The following NELL1 variants were observed in gnomAD, a reference collection of about 807,000 sequenced individuals.
NELL1 encodes the protein neural EGFL like 1.
Under a neutral mutation model 107.4 loss-of-function variants are expected in NELL1, and 76 were observed. The ratio of observed to expected loss-of-function variants is 0.71; its 90% CI spans 0.59 to 0.86. The LOEUF (loss-of-function observed/expected upper bound fraction) is 0.86. NELL1 is among the 40% of genes least tolerant of loss of function. The probability of loss-of-function intolerance (pLI) is 0.00; values close to 1 mark genes in which losing one functional copy is unlikely to be tolerated. For synonymous variants in NELL1, 353 were observed against 341.2 expected (o/e 1.03, Z -0.38); for missense variants, 1,024 against 1,005.5 (o/e 1.02, Z -0.25).
intron 14 of NELL1, among the ~76,000 whole-genome samples, chr11:21,255,745 A>G (rs1219033074): frequency 6.6e-6 from 1 of 152,028 alleles, no homozygotes; most frequent in Non-Finnish European, 1.5e-5. Context: ...AGTTTCAGAC[A>G]TACCCAATTC....
At chr11:20,912,285 C>T (rs1253779526) in intron 5 of NELL1, among the ~76,000 whole-genome samples, 1 of 152,108 alleles carries the variant, frequency 6.6e-6, no homozygotes, top group Non-Finnish European at 1.5e-5. Context: ...TAGGTAATTC[C>T]TGTCTGAGAC....
intron 5 of NELL1, among the ~76,000 whole-genome samples, chr11:20,908,613 A>G (rs1594255): frequency 8.9e-4 from 136 of 152,244 alleles, no homozygotes; most frequent in African/African-American, 3.1e-3. Flanking sequence ...TCAAGCCCCC[A>G]TGGCACACGT....
At chr11:20,982,690 A>G (rs1459772826) in intron 12 of NELL1, among the ~76,000 whole-genome samples, 1 of 151,956 alleles carries the variant, frequency 6.6e-6, no homozygotes, top group Non-Finnish European at 1.5e-5. Flanking sequence ...TAAATGTAGA[A>G]CCGTAAGCAA....
chr11:21,379,348 C>T (rs1000396814), intron 15 of NELL1, among the ~76,000 whole-genome samples: 3 of 152,020 alleles, frequency 2.0e-5, no homozygotes, highest in African/African-American at 7.2e-5. Context: ...CTTTCTCCTC[C>T]ACATTTGTTC....
chr11:21,250,869 G>A, intron 14 of NELL1, among the ~76,000 whole-genome samples: 1 of 152,178 alleles, frequency 6.6e-6, no homozygotes, highest in East Asian at 1.9e-4. Flanking sequence ...GAGGGGATCA[G>A]TAGCTCAGCA....
intron 12 of NELL1, among the ~76,000 whole-genome samples, chr11:21,036,980 C>A (rs1265969806): frequency 1.3e-5 from 2 of 151,670 alleles, no homozygotes; most frequent in Non-Finnish European, 2.9e-5. Flanking sequence ...CTCATAGTGT[C>A]TTTTTTTCTT....
intron 15 of NELL1, among the ~76,000 whole-genome samples, chr11:21,454,795 C>T (rs1853683091): frequency 6.6e-6 from 1 of 152,180 alleles, no homozygotes; most frequent in Non-Finnish European, 1.5e-5. Flanking sequence ...GTCATTGTTC[C>T]TCTTCTTAAA....
intron 4 of NELL1, among the ~76,000 whole-genome samples, chr11:20,864,162 C>A (rs184837117): frequency 0.012 from 1,777 of 151,836 alleles, 17 homozygotes; most frequent in Middle Eastern, 0.027. Context: ...TTTCGAGAGT[C>A]ATTTTTTAAC....
intron 3 of NELL1, among the ~76,000 whole-genome samples, chr11:20,809,826 G>A (rs1414620004): frequency 6.6e-6 from 1 of 152,084 alleles, no homozygotes; most frequent in African/African-American, 2.4e-5. Flanking sequence ...TGCTATATGG[G>A]AGTGCAGATA....
intron 13 of NELL1, among the ~76,000 whole-genome samples, chr11:21,163,876 G>A (rs1296786675): frequency 1.3e-5 from 2 of 151,756 alleles, no homozygotes; most frequent in Non-Finnish European, 2.9e-5. Flanking sequence ...CACATTGGGG[G>A]TTAAGGCTTC....
intron 2 of NELL1, among the ~76,000 whole-genome samples, chr11:20,745,243 C>T (rs992854143): frequency 1.3e-5 from 2 of 152,150 alleles, no homozygotes; most frequent in Non-Finnish European, 2.9e-5. Flanking sequence ...GTCCAGCCAT[C>T]TAATTTTTAT....
At chr11:21,146,564 C>T (rs1430178936) in intron 13 of NELL1, among the ~76,000 whole-genome samples, 1 of 152,196 alleles carries the variant, frequency 6.6e-6, no homozygotes, top group Non-Finnish European at 1.5e-5. Context: ...CTTCTCTCTC[C>T]TCCTGCCCTT....
chr11:20,991,934 A>G (rs1349650146), intron 12 of NELL1, among the ~76,000 whole-genome samples: 1 of 150,664 alleles, frequency 6.6e-6, no homozygotes, highest in Non-Finnish European at 1.5e-5. Flanking sequence ...GGTATTGTAC[A>G]GAAAGGGCAT....
intron 12 of NELL1, among the ~76,000 whole-genome samples, chr11:21,023,905 A>G (rs1005263855): frequency 6.6e-6 from 1 of 152,072 alleles, no homozygotes; most frequent in Non-Finnish European, 1.5e-5. Context: ...TTTTACATAT[A>G]TTAATAATCA....
intron 14 of NELL1, among the ~76,000 whole-genome samples, chr11:21,357,693 T>C (rs886231851): frequency 6.6e-6 from 1 of 152,228 alleles, no homozygotes; most frequent in African/African-American, 2.4e-5. Flanking sequence ...CATTTGCTTT[T>C]GCGCTCTTGG....
At chr11:20,808,011 G>T (rs531476804) in intron 3 of NELL1, among the ~76,000 whole-genome samples, 1 of 152,268 alleles carries the variant, frequency 6.6e-6, no homozygotes, top group Non-Finnish European at 1.5e-5. Flanking sequence ...CTGGAATTGG[G>T]GACCCCAATA....
chr11:21,388,281 C>G (rs568277371), intron 15 of NELL1, among the ~76,000 whole-genome samples: 3 of 151,700 alleles, frequency 2.0e-5, no homozygotes, highest in Non-Finnish European at 4.4e-5. Flanking sequence ...GCATTTTTTG[C>G]CACTCACCAT....
At chr11:21,082,418 A>G (rs1020118960) in intron 12 of NELL1, among the ~76,000 whole-genome samples, 3 of 152,228 alleles carry the variant, frequency 2.0e-5, no homozygotes, top group Non-Finnish European at 2.9e-5. Flanking sequence ...TCAGTTAATC[A>G]TAGTAATCAA....
intron 2 of NELL1, among the ~76,000 whole-genome samples, chr11:20,765,575 C>T (rs962208766): frequency 1.3e-5 from 2 of 152,036 alleles, no homozygotes; most frequent in Non-Finnish European, 2.9e-5. Context: ...TGGCAGGTAA[C>T]CAGGTATGGA....
Sources: allele counts gnomAD v4.1 joint callset (sites outside exome capture counted in the v4.1 genomes callset), GRCh38; gene constraint gnomAD v4.1.1; transcripts MANE v1.5; gene names NCBI Gene and HGNC (gene_info 2026-07-23, HGNC 2026-07-21).